L3MBTL4: variants seen among roughly 807,000 people sequenced by gnomAD.
L3MBTL4 encodes the protein L3MBTL histone methyl-lysine binding protein 4.
L3MBTL4 carries 70 observed loss-of-function variants against 84.5 expected under a neutral mutation model. The observed-to-expected ratio is 0.83, with a 90% CI of 0.68 to 1.01. The LOEUF (loss-of-function observed/expected upper bound fraction) is 1.01, where lower values mean the gene tolerates loss of function less well. Among genes scored for constraint, L3MBTL4 ranks in the 50% least tolerant of loss-of-function variants. The pLI is 0.00. For missense variants in L3MBTL4, 715 were observed against 754.8 expected, an observed-to-expected ratio of 0.95 and a Z score of 0.62; for synonymous variants, 274 against 259.8, an observed-to-expected ratio of 1.05 and a Z score of -0.52.
Position 5,956,398 on chromosome 18 carries a change from A to G in L3MBTL4, c.1678-11T>C. The stretch of plus-strand genomic sequence containing the variant: ...TTTGCCATCGATCTGCTGCAAATAC[A>G]TAAATAGACACAAATAAAAATGTTT... On this transcript the variant is annotated splice_polypyrimidine_tract_variant and intron_variant, in intron 18 of 18. Coordinates refer to ENST00000317931, the MANE Select transcript of L3MBTL4 (RefSeq NM_001330559.2). 1 of 1,612,192 alleles carries G rather than the reference A, an allele frequency of 6.2e-7. No homozygotes were observed. The highest frequency in any genetic ancestry group is 8.5e-7 in the Non-Finnish European group (1 of 1,179,306).
intron 16 of L3MBTL4, among the ~76,000 whole-genome samples, chr18:6,068,621 C>T (rs978732839): frequency 6.6e-6 from 1 of 152,154 alleles, no homozygotes; most frequent in African/African-American, 2.4e-5. Flanking sequence ...GATGCAATCA[C>T]CCTAAATTGT....
chr18:6,327,383 G>T (rs953294354), intron 1 of L3MBTL4, among the ~76,000 whole-genome samples: 1 of 152,070 alleles, frequency 6.6e-6, no homozygotes, highest in African/African-American at 2.4e-5. Flanking sequence ...GTAGGAAAAT[G>T]AATAAATAAA....
chr18:6,043,626 A>C (rs1243566397), intron 16 of L3MBTL4, among the ~76,000 whole-genome samples: 1 of 152,188 alleles, frequency 6.6e-6, no homozygotes, highest in African/African-American at 2.4e-5. Flanking sequence ...GATGTCTTTC[A>C]ATACGGTCAA....
intron 4 of L3MBTL4, among the ~76,000 whole-genome samples, chr18:6,279,784 A>G (rs1280360630): frequency 6.6e-6 from 1 of 152,204 alleles, no homozygotes; most frequent in African/African-American, 2.4e-5. Context: ...CCTATATGAG[A>G]TGGCAGTATT....
chr18:6,149,300 T>C (rs938599312), intron 13 of L3MBTL4, among the ~76,000 whole-genome samples: 1 of 151,250 alleles, frequency 6.6e-6, no homozygotes, highest in Non-Finnish European at 1.5e-5. Context: ...CATATGGTGT[T>C]TGGTTTTTTG....
intron 16 of L3MBTL4, chr18:6,030,526 T>A: frequency 1.1e-6 from 1 of 906,892 alleles, no homozygotes; most frequent in Non-Finnish European, 1.3e-6. Context: ...GGAGAAGGAG[T>A]CTCACTCTGT....
intron 5 of L3MBTL4, chr18:6,261,047 C>T (rs1342933006): frequency 6.6e-6 from 1 of 152,176 alleles, no homozygotes; most frequent in African/African-American, 2.4e-5. Flanking sequence ...AATTGGTGAG[C>T]TTAATTCTCT....
intron 13 of L3MBTL4, among the ~76,000 whole-genome samples, chr18:6,142,678 T>C (rs2060232287): frequency 6.6e-6 from 1 of 152,098 alleles, no homozygotes; most frequent in Non-Finnish European, 1.5e-5. Context: ...CCCAGAACTT[T>C]GGGAGTTTGA....
chr18:6,166,266 T>C (rs1356968449), intron 13 of L3MBTL4, among the ~76,000 whole-genome samples: 2 of 152,198 alleles, frequency 1.3e-5, no homozygotes, highest in African/African-American at 4.8e-5. Flanking sequence ...ATTAGACAGA[T>C]CAATGAGACA....
intron 1 of L3MBTL4, among the ~76,000 whole-genome samples, chr18:6,357,679 A>G (rs2053506940): frequency 6.6e-6 from 1 of 151,876 alleles, no homozygotes; most frequent in South Asian, 2.1e-4. Context: ...AAGACTTTTG[A>G]AAAAAAACAA....
At chr18:6,014,530 C>G (rs1427490111) in intron 16 of L3MBTL4, among the ~76,000 whole-genome samples, 1 of 151,968 alleles carries the variant, frequency 6.6e-6, no homozygotes, top group Non-Finnish European at 1.5e-5. Flanking sequence ...GAAGTCTGCA[C>G]TGGCATCCAA....
At chr18:6,107,370 T>C (rs1329650023) in intron 14 of L3MBTL4, among the ~76,000 whole-genome samples, 1 of 152,076 alleles carries the variant, frequency 6.6e-6, no homozygotes, top group Admixed American at 6.5e-5. Context: ...ACAGATTCAG[T>C]TGGCTCTCGA....
At chr18:6,168,659 C>A in intron 13 of L3MBTL4, among the ~76,000 whole-genome samples, 1 of 151,874 alleles carries the variant, frequency 6.6e-6, no homozygotes, top group Non-Finnish European at 1.5e-5. Flanking sequence ...TTCCTTACAC[C>A]TTATACAAAA....
At chr18:6,242,418 G>A (rs1197048174) in intron 7 of L3MBTL4, among the ~76,000 whole-genome samples, 2 of 152,170 alleles carry the variant, frequency 1.3e-5, no homozygotes, top group East Asian at 1.9e-4. Context: ...CTGAAATGAA[G>A]CCCCGTGGAG....
At position 6,414,766 on chromosome 18, in the gene L3MBTL4, C is replaced by G. The variant is rs1307052804; in HGVS notation, c.-91+35G>C. Reference sequence around the variant, plus strand: ...GGCCGTGGGCACCCACGCGGGCTCGCGACCATCCCACGCGGGCGGCGGCGT... The same window carrying G: ...GGCCGTGGGCACCCACGCGGGCTCGGGACCATCCCACGCGGGCGGCGGCGT... On this transcript the variant is annotated intron_variant, in intron 1 of 18. Transcript: ENST00000317931. This position sits in a 1 kb window ranked among gnomAD's most constrained non-coding sequence, Gnocchi z 5.4. 3 of 151,682 alleles carry G rather than the reference C, an allele frequency of 2.0e-5. No individual in the cohort carries two copies. The highest frequency in any genetic ancestry group is 7.3e-5 in the African/African-American group (3 of 41,366). 9.4% of individuals were successfully genotyped at this position (151,682 alleles called of 1,614,324 possible). A position where few individuals can be genotyped will look rare whatever the true frequency, so the allele number is the denominator to read the frequency against.
intron 4 of L3MBTL4, among the ~76,000 whole-genome samples, chr18:6,284,797 C>T (rs1431331425): frequency 1.3e-5 from 2 of 152,222 alleles, no homozygotes; most frequent in African/African-American, 4.8e-5. Flanking sequence ...TGGGTGGAGG[C>T]AGCTAGAGCG....
chr18:6,072,824 C>T (rs1326031628), intron 16 of L3MBTL4, among the ~76,000 whole-genome samples: 1 of 130,046 alleles, frequency 7.7e-6, no homozygotes, highest in African/African-American at 3.0e-5. Context: ...CCACTGCACT[C>T]CAGCACTCTA....
intron 1 of L3MBTL4, among the ~76,000 whole-genome samples, chr18:6,322,032 C>T (rs1235537049): frequency 6.6e-6 from 1 of 151,726 alleles, no homozygotes; most frequent in African/African-American, 2.4e-5. Flanking sequence ...AAACTAAAAG[C>T]TATTGTAATA....
At chr18:6,328,016 TTAAG>T (rs1252382160) in intron 1 of L3MBTL4, among the ~76,000 whole-genome samples, 1 of 152,230 alleles carries the variant, frequency 6.6e-6, no homozygotes, top group Admixed American at 6.5e-5. Flanking sequence ...ACTGCATTTA[TTAAG>T]TAAGTTCCTA....
Sources: allele counts gnomAD v4.1 joint callset (sites outside exome capture counted in the v4.1 genomes callset), GRCh38; gene constraint gnomAD v4.1.1; non-coding constraint Gnocchi (gnomAD v3.1); transcripts MANE v1.5; gene names NCBI Gene and HGNC (gene_info 2026-07-23, HGNC 2026-07-21).